TCF12: variants seen among roughly 807,000 people sequenced by gnomAD.
TCF12 encodes the protein transcription factor 12.
In TCF12, 45 loss-of-function variants were observed where a neutral mutation model predicts 86.0. That is an observed-to-expected ratio of 0.52 (90% CI 0.41 to 0.67). The LOEUF is 0.67. TCF12 is among the 30% of genes least tolerant of loss of function. The pLI, the probability that TCF12 is intolerant of heterozygous loss-of-function variation, is 0.00. For synonymous variants in TCF12, 330 were observed against 299.6 expected (o/e 1.10, Z -1.05); for missense variants, 881 against 859.9 (o/e 1.02, Z -0.31).
chr15:57,062,189 C>G (rs2068509045), intron 3 of TCF12, among the ~76,000 whole-genome samples: 1 of 152,086 alleles, frequency 6.6e-6, no homozygotes, highest in African/African-American at 2.4e-5. Flanking sequence ...ATCTCCTGAC[C>G]TTGTGATCTG....
At chr15:57,243,984 T>G (rs573558157) in intron 13 of TCF12, among the ~76,000 whole-genome samples, 1 of 152,190 alleles carries the variant, frequency 6.6e-6, no homozygotes, top group Admixed American at 6.5e-5. Flanking sequence ...GCTCAAATGA[T>G]CCTTCCACCT....
chr15:57,259,661 G>A (rs1161893912), intron 16 of TCF12, among the ~76,000 whole-genome samples: 1 of 152,200 alleles, frequency 6.6e-6, no homozygotes, highest in Non-Finnish European at 1.5e-5. Context: ...TCATTGAAAC[G>A]TGGAGGGTAG....
At chr15:57,002,297 C>G (rs1221362378) in intron 3 of TCF12, among the ~76,000 whole-genome samples, 1 of 152,074 alleles carries the variant, frequency 6.6e-6, no homozygotes, top group Non-Finnish European at 1.5e-5. Flanking sequence ...TCTTACTGTC[C>G]AGAAAATTGA....
intron 3 of TCF12, among the ~76,000 whole-genome samples, chr15:56,978,530 T>C (rs1414299353): frequency 7.2e-5 from 11 of 152,190 alleles, no homozygotes; most frequent in Non-Finnish European, 1.3e-4. Context: ...CAGAATTGTT[T>C]CAAAAAGCAA....
intron 3 of TCF12, among the ~76,000 whole-genome samples, chr15:56,942,590 G>T (rs1335967282): frequency 6.6e-6 from 1 of 152,146 alleles, no homozygotes; most frequent in Admixed American, 6.5e-5. Context: ...GAAACTGTAG[G>T]AAAGCATTTG....
At chr15:56,957,612 C>T (rs1181436435) in intron 3 of TCF12, among the ~76,000 whole-genome samples, 2 of 152,116 alleles carry the variant, frequency 1.3e-5, no homozygotes, top group African/African-American at 2.4e-5. Flanking sequence ...ATATAGAGCA[C>T]GTAATAACTA....
chr15:57,008,958 T>G (rs547254977), intron 3 of TCF12, among the ~76,000 whole-genome samples: 1 of 152,306 alleles, frequency 6.6e-6, no homozygotes, highest in South Asian at 2.1e-4. Flanking sequence ...CAACTTGTGT[T>G]GATTCTCCTC....
intron 5 of TCF12, among the ~76,000 whole-genome samples, chr15:57,136,363 C>T (rs1255646550): frequency 6.6e-6 from 1 of 152,048 alleles, no homozygotes; most frequent in Non-Finnish European, 1.5e-5. Flanking sequence ...TCTTTTTTTT[C>T]TTTGCTCTTG....
chr15:57,148,793 CT>C (rs1310519920), intron 5 of TCF12, among the ~76,000 whole-genome samples: 2 of 151,758 alleles, frequency 1.3e-5, no homozygotes, highest in Non-Finnish European at 2.9e-5. Context: ...GAGAGGATAG[CT>C]TGAGCCTGGA....
intron 5 of TCF12, among the ~76,000 whole-genome samples, chr15:57,146,669 G>A (rs1295566368): frequency 6.6e-6 from 1 of 152,088 alleles, no homozygotes; most frequent in Non-Finnish European, 1.5e-5. Context: ...CCAAAATTCT[G>A]TCTTCTTTGT....
intron 3 of TCF12, among the ~76,000 whole-genome samples, chr15:56,932,176 T>C (rs1263757182): frequency 6.6e-6 from 1 of 152,212 alleles, no homozygotes; most frequent in Non-Finnish European, 1.5e-5. Flanking sequence ...GGGAGGAATC[T>C]TATTGTTTTA....
At chr15:56,933,171 T>C (rs996099457) in intron 3 of TCF12, among the ~76,000 whole-genome samples, 3 of 152,218 alleles carry the variant, frequency 2.0e-5, no homozygotes, top group African/African-American at 7.2e-5. Flanking sequence ...ATTTAGTGTT[T>C]AGTTATAAAA....
intron 3 of TCF12, among the ~76,000 whole-genome samples, chr15:57,020,881 G>A (rs2065438520): frequency 1.3e-5 from 2 of 152,036 alleles, no homozygotes; most frequent in African/African-American, 4.8e-5. Flanking sequence ...TTTGTGAAGA[G>A]CTTCAAAACC....
chr15:57,262,342 A>G lies in TCF12; in HGVS notation c.1582+134A>G, dbSNP rs2441923. On this transcript the variant is annotated intron_variant, in intron 17 of 20. Coordinates refer to ENST00000333725, the MANE Select transcript of TCF12 (RefSeq NM_207037.2). ...TGAGGGAATTCCAAATAGCGTGGAG[A>G]GCAGATATTTAGGGTTCCAACTGGC... The G allele has an allele frequency of 3.8e-3, 2,717 of 708,554 alleles. 58 individuals carry two copies. The African/African-American group carries it at 0.043, about 11-fold the overall frequency. The allele number at this position is 708,554 out of a possible 1,614,324, so 43.9% of individuals were successfully genotyped here.
At chr15:57,000,348 GT>G (rs11291698) in intron 3 of TCF12, among the ~76,000 whole-genome samples, 136,667 of 146,682 alleles carry the variant, frequency 0.93, 63,957 homozygotes, top group Non-Finnish European at 0.98. Context: ...CCAGAAGTCT[GT>G]TTTTTTTTTT....
In TCF12 at chr15:57,197,756, T is replaced by C; in HGVS notation, c.527-17T>C. 6.2e-7 allele frequency: 1 copy of C among 1,613,456 alleles called. No homozygotes were observed. Among genetic ancestry groups the C allele is most frequent in the Non-Finnish European group, 8.5e-7 (1 of 1,179,822 alleles). ...TGGTATATTATGCTGAAGAAATGTA[T>C]TGTTTTCCATCTGCAGATCCCTTGC... On this transcript the variant is annotated splice_polypyrimidine_tract_variant and intron_variant, in intron 7 of 20. Coordinates refer to ENST00000333725, the MANE Select transcript of TCF12 (RefSeq NM_207037.2).
chr15:56,918,419 G>A, upstream of TCF12: 1 of 357,268 alleles, frequency 2.8e-6, no homozygotes. Context: ...GTCGGGGCCT[G>A]CTTCTCGAGG....
At chr15:56,938,316 A>G (rs895544265) in intron 3 of TCF12, among the ~76,000 whole-genome samples, 57 of 151,940 alleles carry the variant, frequency 3.8e-4, no homozygotes, top group African/African-American at 1.3e-3. Context: ...ACGTGCCACC[A>G]TGCCCAGCTA....
intron 5 of TCF12, among the ~76,000 whole-genome samples, chr15:57,098,484 C>G (rs1352618752): frequency 2.6e-5 from 4 of 151,894 alleles, no homozygotes; most frequent in Non-Finnish European, 4.4e-5. Flanking sequence ...CTTTTTCTGC[C>G]TTTTACAGAG....
Sources: allele counts gnomAD v4.1 joint callset (sites outside exome capture counted in the v4.1 genomes callset), GRCh38; gene constraint gnomAD v4.1.1; transcripts MANE v1.5; gene names NCBI Gene and HGNC (gene_info 2026-07-23, HGNC 2026-07-21).